TBC1D9: variants seen among roughly 807,000 people sequenced by gnomAD.
TBC1D9 encodes TBC1 domain family member 9A.
TBC1D9 carries 63 observed loss-of-function variants against 132.0 expected under a neutral mutation model. That is an observed-to-expected ratio of 0.48 (90% CI 0.39 to 0.59). The LOEUF (loss-of-function observed/expected upper bound fraction) is 0.59, where lower values mean the gene tolerates loss of function less well. Among genes scored for constraint, TBC1D9 ranks in the 20% least tolerant of loss-of-function variants. The pLI is 0.00. For synonymous variants in TBC1D9, 610 were observed against 609.9 expected, an observed-to-expected ratio of 1.00 and a Z score of 0.00; for missense variants, 1,261 against 1,592.7, an observed-to-expected ratio of 0.79 and a Z score of 3.54.
intron 13 of TBC1D9, among the ~76,000 whole-genome samples, chr4:140,649,067 A>AC: frequency 6.6e-6 from 1 of 152,342 alleles, no homozygotes; most frequent in East Asian, 1.9e-4. Flanking sequence ...AAAGAGACTG[A>AC]CCACAAGGTC....
At chr4:140,635,258 G>A (rs67857722) in intron 15 of TBC1D9, among the ~76,000 whole-genome samples, 28,392 of 151,852 alleles carry the variant, frequency 0.19, 3,178 homozygotes, top group African/African-American at 0.31. Context: ...CGAGAGGATC[G>A]CCTGAGCCCA....
chr4:140,648,499 C>T (rs1737137669), intron 13 of TBC1D9, among the ~76,000 whole-genome samples: 1 of 151,730 alleles, frequency 6.6e-6, no homozygotes, highest in Admixed American at 6.6e-5. Flanking sequence ...GATCCTCCCA[C>T]CTCAGCCTCC....
intron 2 of TBC1D9, among the ~76,000 whole-genome samples, chr4:140,693,027 C>T (rs1180180089): frequency 7.0e-6 from 1 of 143,510 alleles, no homozygotes; most frequent in Non-Finnish European, 1.5e-5. Context: ...GACCCTGTTT[C>T]AAAAAAAAAA....
intron 16 of TBC1D9, among the ~76,000 whole-genome samples, chr4:140,632,164 T>C (rs975866225): frequency 6.6e-6 from 1 of 152,174 alleles, no homozygotes; most frequent in African/African-American, 2.4e-5. Context: ...CTTACTGGAG[T>C]TGACTGAATT....
At chr4:140,643,114 G>T in intron 13 of TBC1D9, 1 of 1,406,980 alleles carries the variant, frequency 7.1e-7, no homozygotes, top group Non-Finnish European at 9.8e-7. Flanking sequence ...GCAGGTTCTT[G>T]AGCGGGTCCC....
rs74557126 is a variant in TBC1D9, at chr4:140,644,420, G to A, written c.2338-4992C>T. ...GCGGCTGGATGACCTTGGCCTTCAG[G>A]GCGGCCATGGGGGACGCGCGGGGCG... On this transcript the variant is annotated intron_variant, in intron 13 of 20. Coordinates refer to ENST00000442267, the MANE Select transcript of TBC1D9 (RefSeq NM_015130.3). 1.5e-4 allele frequency: 44 copies of A among 291,254 alleles called. 1 individual carries two copies. The East Asian group carries it at 5.5e-3, about 37-fold the overall frequency. 18.0% of individuals were successfully genotyped at this position (291,254 alleles called of 1,614,324 possible).
intron 1 of TBC1D9, among the ~76,000 whole-genome samples, chr4:140,749,067 A>C (rs1421343082): frequency 6.6e-6 from 1 of 152,144 alleles, no homozygotes; most frequent in African/African-American, 2.4e-5. Context: ...ATGTCAATTT[A>C]AAAAATAAAA....
chr4:140,669,745 A>G lies in TBC1D9; in HGVS notation c.1326T>C (p.Asp442=). The G allele has an allele frequency of 1.9e-6, 3 of 1,613,992 alleles. No homozygotes were observed. The Middle Eastern group carries it at 5.0e-4, about 266-fold the overall frequency. The change falls in exon 8 of 21, where the codon GAT becomes GAC. Residue 442 remains aspartate (D), a synonymous_variant. Transcript: ENST00000442267. ...GGTTAAACTGGCGCTCTCCATCAGC[A>G]TCAGAGCTCGTGCTTCTCTGGGGGC... The part of the protein sequence containing the change: ...SSSPQRSTSS[D]ADGERQFNLN...
intron 1 of TBC1D9, among the ~76,000 whole-genome samples, chr4:140,738,807 G>T (rs948910694): frequency 1.3e-5 from 2 of 152,080 alleles, no homozygotes; most frequent in South Asian, 4.2e-4. Flanking sequence ...AAGACAGCTG[G>T]ACTTAGAAGC....
At chr4:140,679,947 T>A in intron 3 of TBC1D9, 104 bp from the exon 4 acceptor site, 19 of 815,482 alleles carry the variant, frequency 2.3e-5, no homozygotes, top group East Asian at 2.8e-5. Flanking sequence ...AAAAAAAAAA[T>A]TGAGGAATGC....
At chr4:140,677,147 C>T (rs1411718554) in intron 5 of TBC1D9, 46 bp from the exon 6 acceptor site, 3 of 1,601,684 alleles carry the variant, frequency 1.9e-6, no homozygotes, top group Non-Finnish European at 2.5e-6. Flanking sequence ...TGTTTCCATA[C>T]CTTCTAAATT....
At position 140,669,772 on chromosome 4, in the gene TBC1D9, G is replaced by A. The variant is rs747794318; in HGVS notation, c.1299C>T (p.Ser433=). The A allele has an allele frequency of 8.7e-6, 14 of 1,613,796 alleles. No homozygotes were observed. The highest frequency in any genetic ancestry group is 1.7e-5 in the Admixed American group (1 of 59,998). ...VYSRPSSLVS[S]SPQRSTSSDA... ...CAGAGCTCGTGCTTCTCTGGGGGCT[G>A]GAGGAGACGAGGCTGCTGGGTCGAG... The change falls in exon 8 of 21, where the codon TCC becomes TCT. Residue 433 remains serine (S), a synonymous_variant. Coordinates refer to ENST00000442267, the MANE Select transcript of TBC1D9 (RefSeq NM_015130.3).
At chr4:140,677,211 A>G (rs777895105) in intron 5 of TBC1D9, 110 bp from the exon 6 acceptor site, 4 of 1,238,940 alleles carry the variant, frequency 3.2e-6, no homozygotes, top group Non-Finnish European at 3.4e-6. Context: ...ATCTTGCTAG[A>G]CTCATCCCCC....
intron 1 of TBC1D9, among the ~76,000 whole-genome samples, chr4:140,714,018 G>A (rs1484955680): frequency 6.6e-6 from 1 of 152,046 alleles, no homozygotes; most frequent in East Asian, 1.9e-4. Flanking sequence ...AATCAGAATC[G>A]GTAACCCTTG....
chr4:140,628,016 C>G lies in TBC1D9; in HGVS notation c.2812+284G>C, dbSNP rs115592605. Among the ~76,000 whole-genome samples the G allele has an allele frequency of 5.4e-3, 822 of 152,342 alleles. 8 individuals carry two copies. The highest frequency in any genetic ancestry group is 0.018 in the African/African-American group (766 of 41,586). On this transcript the variant is annotated intron_variant, in intron 17 of 20. Coordinates refer to ENST00000442267, the MANE Select transcript of TBC1D9 (RefSeq NM_015130.3). ...CTACGCTCCTTTTCTCTCTCACAAT[C>G]CTTGTATCCCAGGTGTTACCAAGTG...
intron 6 of TBC1D9, among the ~76,000 whole-genome samples, chr4:140,672,539 G>A (rs1560880752): frequency 6.6e-6 from 1 of 152,164 alleles, no homozygotes; most frequent in Non-Finnish European, 1.5e-5. Context: ...GTTACATTAT[G>A]TGTCTAAAAC....
chr4:140,717,206 T>C (rs1238266891), intron 1 of TBC1D9, among the ~76,000 whole-genome samples: 1 of 152,202 alleles, frequency 6.6e-6, no homozygotes, highest in Non-Finnish European at 1.5e-5. Context: ...AATCAACATA[T>C]GTTACCTGAA....
At chr4:140,673,434 C>T (rs375906221) in intron 6 of TBC1D9, among the ~76,000 whole-genome samples, 81 of 152,300 alleles carry the variant, frequency 5.3e-4, no homozygotes, top group African/African-American at 1.8e-3. Flanking sequence ...CAGCCTGACT[C>T]GGTTCTGAAA....
At chr4:140,643,542 C>T in intron 13 of TBC1D9, 2 of 875,874 alleles carry the variant, frequency 2.3e-6, no homozygotes, top group Non-Finnish European at 3.6e-6. Context: ...GGGCACGTCA[C>T]AGTCTGACAT....
Sources: gnomAD v4.1 joint callset for allele counts (sites outside exome capture counted in the v4.1 genomes callset) on GRCh38, gnomAD v4.1.1 for gene constraint, MANE v1.5 for transcripts, NCBI Gene and HGNC (gene_info 2026-07-23, HGNC 2026-07-21) for gene names.